CNTNAP5: variants seen among roughly 807,000 people sequenced by gnomAD.
CNTNAP5 encodes the protein contactin-associated protein-like 5.
In CNTNAP5, 72 loss-of-function variants were observed where a neutral mutation model predicts 150.2. That is an observed-to-expected ratio of 0.48 (90% CI 0.40 to 0.58). The LOEUF is 0.58. Among genes scored for constraint, CNTNAP5 ranks in the 20% least tolerant of loss-of-function variants. The pLI is 0.00. For missense variants in CNTNAP5, 1,636 were observed against 1,626.2 expected (o/e 1.01, Z -0.10); for synonymous variants, 672 against 619.8 (o/e 1.08, Z -1.25).
intron 3 of CNTNAP5, among the ~76,000 whole-genome samples, chr2:124,324,329 G>A (rs1287891019): frequency 1.3e-5 from 2 of 152,172 alleles, no homozygotes; most frequent in African/African-American, 4.8e-5. Flanking sequence ...TGAATATGAG[G>A]TTGTACTGAC....
intron 1 of CNTNAP5, among the ~76,000 whole-genome samples, chr2:124,139,139 T>C (rs928020605): frequency 1.3e-5 from 2 of 152,062 alleles, no homozygotes; most frequent in Admixed American, 6.6e-5. Flanking sequence ...CCCATAAGAC[T>C]ATGAGCCACT....
At chr2:124,166,047 A>G (rs918814528) in intron 1 of CNTNAP5, among the ~76,000 whole-genome samples, 1 of 152,144 alleles carries the variant, frequency 6.6e-6, no homozygotes, top group Non-Finnish European at 1.5e-5. Context: ...ACAGAATATC[A>G]TCTAGACCTG....
chr2:124,084,586 T>C (rs1435064015), intron 1 of CNTNAP5, among the ~76,000 whole-genome samples: 3 of 152,058 alleles, frequency 2.0e-5, no homozygotes, highest in African/African-American at 7.2e-5. Context: ...TCTTGACTTA[T>C]TGCATTGGCT....
intron 12 of CNTNAP5, among the ~76,000 whole-genome samples, chr2:124,614,837 G>A (rs1164308598): frequency 6.6e-6 from 1 of 152,072 alleles, no homozygotes; most frequent in Admixed American, 6.5e-5. Context: ...ACCTCCTGAG[G>A]ATGCAGCCCA....
At chr2:124,395,123 A>C (rs944488751) in intron 3 of CNTNAP5, among the ~76,000 whole-genome samples, 8 of 152,238 alleles carry the variant, frequency 5.3e-5, no homozygotes, top group Admixed American at 2.0e-4. Flanking sequence ...GAATCTATAT[A>C]TAAATATATG....
chr2:124,464,479 C>T (rs1441111663), intron 6 of CNTNAP5, among the ~76,000 whole-genome samples: 2 of 152,052 alleles, frequency 1.3e-5, no homozygotes, highest in Non-Finnish European at 2.9e-5. Flanking sequence ...TTATTTGGCT[C>T]CAAAGTCGAA....
intron 10 of CNTNAP5, 96 bp downstream of exon 10, chr2:124,527,552 A>G: frequency 1.1e-6 from 1 of 917,840 alleles, no homozygotes; most frequent in Non-Finnish European, 1.6e-6. Flanking sequence ...ATCCACCGAC[A>G]TTAGCCACAT....
At chr2:124,747,769 G>GC (rs2105145839) in intron 14 of CNTNAP5, among the ~76,000 whole-genome samples, 1 of 135,546 alleles carries the variant, frequency 7.4e-6, no homozygotes, top group East Asian at 2.2e-4. Flanking sequence ...AAAAGCACAT[G>GC]CCACCACTCC....
At chr2:124,912,999 G>A (rs367656978) in intron 23 of CNTNAP5, among the ~76,000 whole-genome samples, 12 of 151,886 alleles carry the variant, frequency 7.9e-5, no homozygotes, top group Admixed American at 1.3e-4. Context: ...AATGATTTAG[G>A]AACATATATT....
At chr2:124,054,241 T>C (rs760936905) in intron 1 of CNTNAP5, among the ~76,000 whole-genome samples, 9 of 152,110 alleles carry the variant, frequency 5.9e-5, no homozygotes, top group Non-Finnish European at 1.3e-4. Flanking sequence ...GATGTTTGGG[T>C]TGGTTGTCTT....
chr2:124,180,177 A>C (rs568858608), intron 1 of CNTNAP5, among the ~76,000 whole-genome samples: 1 of 152,312 alleles, frequency 6.6e-6, no homozygotes, highest in South Asian at 2.1e-4. Context: ...CTTTGACAGG[A>C]TGTCAAAGAG....
chr2:124,546,363 AATGT>A (rs1695510028), intron 10 of CNTNAP5, among the ~76,000 whole-genome samples: 2 of 105,574 alleles, frequency 1.9e-5, no homozygotes, highest in African/African-American at 8.7e-5. Flanking sequence ...AGGATTTCTC[AATGT>A]GTGTGTGTGT....
rs1694920169 is a variant in CNTNAP5, at chr2:124,524,452, G to A, written c.1477G>A (p.Gly493Arg). 1 of 1,608,456 alleles carries A rather than the reference G, an allele frequency of 6.2e-7. No homozygotes were observed. The highest frequency in any genetic ancestry group is 1.3e-5 in the African/African-American group (1 of 74,802). Residue 493 changes from glycine to arginine, a missense_variant and splice_region_variant, in exon 9 of 24, where the codon GGG (glycine) becomes AGG (arginine). Transcript: ENST00000682447. ...TTCTGGAAATAGCTACTATTTTGGA[G>A]GTAAATTCTCCAGTCTTTAAGAGGG... ...IYSGNSYYFG[G>R]CPDNLTDSQC... is the part of the protein sequence containing the mutation.
At chr2:124,523,787 C>T (rs1183272150) in intron 8 of CNTNAP5, among the ~76,000 whole-genome samples, 3 of 152,198 alleles carry the variant, frequency 2.0e-5, no homozygotes, top group Non-Finnish European at 4.4e-5. Flanking sequence ...TGTTACCTCT[C>T]TCCAACAGGA....
At chr2:124,638,077 C>T (rs1418125922) in intron 12 of CNTNAP5, among the ~76,000 whole-genome samples, 7 of 150,832 alleles carry the variant, frequency 4.6e-5, no homozygotes, top group Non-Finnish European at 7.4e-5. Flanking sequence ...TGTGTGTGTG[C>T]GTGTATGTGT....
intron 13 of CNTNAP5, among the ~76,000 whole-genome samples, chr2:124,674,787 C>T (rs187402299): frequency 6.6e-6 from 1 of 150,824 alleles, no homozygotes; most frequent in African/African-American, 2.5e-5. Flanking sequence ...TTATTTGTAA[C>T]CTTTTCAAGT....
chr2:124,213,220 T>G (rs768962253), intron 1 of CNTNAP5, among the ~76,000 whole-genome samples: 27 of 152,154 alleles, frequency 1.8e-4, no homozygotes, highest in Admixed American at 1.6e-3. Context: ...TTGTAAGTAT[T>G]TTTGAAGGCA....
intron 13 of CNTNAP5, among the ~76,000 whole-genome samples, chr2:124,704,985 T>C (rs1024126603): frequency 4.6e-5 from 7 of 152,188 alleles, no homozygotes; most frequent in Non-Finnish European, 7.3e-5. Context: ...CTGCTGCCTA[T>C]TCCTTTCCCC....
intron 3 of CNTNAP5, among the ~76,000 whole-genome samples, chr2:124,359,676 G>T (rs1338966905): frequency 8.6e-6 from 1 of 116,324 alleles, no homozygotes; most frequent in East Asian, 2.5e-4. Flanking sequence ...GAGATAGTTT[G>T]TTATAATCTC....
Sources: allele counts gnomAD v4.1 joint callset (sites outside exome capture counted in the v4.1 genomes callset), GRCh38; gene constraint gnomAD v4.1.1; transcripts MANE v1.5; gene names NCBI Gene and HGNC (gene_info 2026-07-23, HGNC 2026-07-21).